The following DENND4C variants were observed in gnomAD, a reference collection of about 807,000 sequenced individuals.
DENND4C encodes the protein DENN domain containing 4C, also known as DENN domain-containing protein 4C.
DENND4C carries 108 observed loss-of-function variants against 203.0 expected under a neutral mutation model. That is an observed-to-expected ratio of 0.53 (90% CI 0.46 to 0.62). The LOEUF is 0.62. Among genes scored for constraint, DENND4C ranks in the 20% least tolerant of loss-of-function variants. DENND4C has a pLI of 0.00. For synonymous variants in DENND4C, 871 were observed against 792.4 expected (o/e 1.10, Z -1.67); for missense variants, 2,481 against 2,301.2 (o/e 1.08, Z -1.60).
chr9:19,282,033 A>G (rs1834152073), intron 2 of DENND4C, among the ~76,000 whole-genome samples: 1 of 152,198 alleles, frequency 6.6e-6, no homozygotes, highest in African/African-American at 2.4e-5. Context: ...GGCCTAGGAC[A>G]TTACTGTATA....
intron 16 of DENND4C, among the ~76,000 whole-genome samples, chr9:19,330,333 GTTTTTTTTTTTTTTT>G (rs398010417): frequency 9.3e-5 from 9 of 97,142 alleles, no homozygotes; most frequent in Non-Finnish European, 5.8e-5. Context: ...TACCAAGTTG[GTTTTTTTTTTTTTTT>G]TTTTTTTTTA....
Position 19,360,475 on chromosome 9 carries a change from A to G in DENND4C, c.5392A>G (p.Asn1798Asp). Residue 1798 changes from asparagine (N) to aspartate (D), a missense_variant, in exon 29 of 33, where the codon AAT becomes GAT. By Grantham distance (23) the Asn-to-Asp change is conservative. Transcript: ENST00000434457. ...ACTTATCCTCACATCTGAACATTGT[A>G]ATGAAGGTGTACAGGTAGGGTGCCA... ...PGLILTSEHC[N>D]EGVQLPLSSL... 6.2e-7 allele frequency: 1 copy of G among 1,614,074 alleles called. No homozygotes were observed. The highest frequency in any genetic ancestry group is 1.1e-5 in the South Asian group (1 of 91,074).
intron 1 of DENND4C, among the ~76,000 whole-genome samples, chr9:19,257,069 C>CA (rs1210659006): frequency 0.039 from 4,088 of 103,816 alleles, 181 homozygotes; most frequent in African/African-American, 0.13. Flanking sequence ...GACTCCGTCT[C>CA]AAAAAAAAAA....
Position 19,298,139 on chromosome 9 carries a change from A to G in DENND4C, c.1107+17A>G. 3 of 1,601,688 alleles carry G rather than the reference A, an allele frequency of 1.9e-6. No individual in the cohort carries two copies. The highest frequency in any genetic ancestry group is 2.6e-6 in the Non-Finnish European group (3 of 1,172,328). ...CTTGTCCAGGTAATCAAAAGAGAGT[A>G]TATTTGGGGAGAACTTTGCATATGC... On this transcript the variant is annotated intron_variant, in intron 7 of 32. Coordinates refer to ENST00000434457, the MANE Select transcript of DENND4C (RefSeq NM_001330640.2).
chr9:19,370,595 A>G (rs368300036), intron 31 of DENND4C, among the ~76,000 whole-genome samples: 1 of 152,198 alleles, frequency 6.6e-6, no homozygotes, highest in East Asian at 1.9e-4. Flanking sequence ...CTTACGTACC[A>G]CTTATTCAGG....
At chr9:19,286,727 T>A in intron 2 of DENND4C, 42 bp from the exon 3 acceptor site, 1 of 1,219,680 alleles carries the variant, frequency 8.2e-7, no homozygotes, top group Non-Finnish European at 1.0e-6. Context: ...TATGTGTGTA[T>A]GTATATATCT....
intron 5 of DENND4C, 118 bp from the exon 6 acceptor site, chr9:19,295,890 C>A: frequency 1.5e-6 from 1 of 681,050 alleles, no homozygotes; most frequent in South Asian, 2.9e-5. Flanking sequence ...TTTTTTTTTT[C>A]ATAATTTATC....
chr9:19,272,295 C>T (rs1823102830), intron 1 of DENND4C, among the ~76,000 whole-genome samples: 1 of 151,808 alleles, frequency 6.6e-6, no homozygotes, highest in Non-Finnish European at 1.5e-5. Flanking sequence ...TGGGACATGC[C>T]TGTAATCCCA....
intron 1 of DENND4C, among the ~76,000 whole-genome samples, chr9:19,241,725 T>C (rs1439487998): frequency 3.9e-5 from 6 of 151,928 alleles, no homozygotes; most frequent in Non-Finnish European, 8.8e-5. Context: ...TTAGGTAGCT[T>C]TTAAAAAACA....
intron 1 of DENND4C, among the ~76,000 whole-genome samples, chr9:19,252,439 T>G (rs1237803307): frequency 6.6e-6 from 1 of 151,772 alleles, no homozygotes. Context: ...ATTAACTGGG[T>G]GTGGTGCTGC....
chr9:19,316,568 ATTC>A (rs772705785), intron 11 of DENND4C, 50 bp from the exon 12 acceptor site: 60 of 1,602,920 alleles, frequency 3.7e-5, no homozygotes, highest in Non-Finnish European at 4.6e-5. Context: ...ATACGAGAAA[ATTC>A]TTCTTAAATT....
intron 5 of DENND4C, among the ~76,000 whole-genome samples, chr9:19,295,743 C>G (rs995058965): frequency 1.3e-5 from 2 of 151,494 alleles, no homozygotes; most frequent in Non-Finnish European, 2.9e-5. Context: ...AGTTCATTCT[C>G]TAATGCTTAA....
intron 1 of DENND4C, among the ~76,000 whole-genome samples, chr9:19,263,730 C>T (rs1829906109): frequency 6.6e-6 from 1 of 151,470 alleles, no homozygotes; most frequent in African/African-American, 2.4e-5. Context: ...TCTGGGCTTG[C>T]TGCAACCTCT....
intron 1 of DENND4C, among the ~76,000 whole-genome samples, chr9:19,267,155 A>G (rs1830672975): frequency 6.6e-6 from 1 of 152,118 alleles, no homozygotes; most frequent in Non-Finnish European, 1.5e-5. Context: ...GATTCAGTCA[A>G]ATGTTTCTTA....
chr9:19,331,266 A>G (rs1178648659), intron 16 of DENND4C, among the ~76,000 whole-genome samples: 1 of 150,864 alleles, frequency 6.6e-6, no homozygotes, highest in Non-Finnish European at 1.5e-5. Context: ...GCAGTGGCAC[A>G]ATCTCAGCTC....
chr9:19,260,965 C>T (rs968990069), intron 1 of DENND4C, among the ~76,000 whole-genome samples: 3 of 151,926 alleles, frequency 2.0e-5, no homozygotes, highest in Non-Finnish European at 4.4e-5. Flanking sequence ...GAGAGTATCC[C>T]CAATATTTTC....
intron 1 of DENND4C, among the ~76,000 whole-genome samples, chr9:19,274,232 T>C (rs1332563082): frequency 1.3e-5 from 2 of 152,008 alleles, no homozygotes; most frequent in African/African-American, 4.8e-5. Flanking sequence ...GCTGATAACT[T>C]GTTGCCTGAG....
chr9:19,294,147 G>C (rs1292108283), intron 5 of DENND4C, among the ~76,000 whole-genome samples: 2 of 152,170 alleles, frequency 1.3e-5, no homozygotes, highest in Admixed American at 1.3e-4. Flanking sequence ...GGTAGACCTA[G>C]AGATAAAGAT....
intron 2 of DENND4C, among the ~76,000 whole-genome samples, chr9:19,278,817 G>C (rs905499232): frequency 1.3e-5 from 2 of 152,108 alleles, no homozygotes; most frequent in Admixed American, 1.3e-4. Context: ...AGGTTAGAAA[G>C]ACAGGGTTCA....
Sources: allele counts gnomAD v4.1 joint callset (sites outside exome capture counted in the v4.1 genomes callset), GRCh38; gene constraint gnomAD v4.1.1; transcripts MANE v1.5; gene names NCBI Gene and HGNC (gene_info 2026-07-23, HGNC 2026-07-21).